Variants in CBLN2 observed in about 807,000 individuals in gnomAD.
CBLN2 encodes the protein cerebellin-2.
A neutral mutation model predicts 15.0 loss-of-function variants in CBLN2; 7 were observed. That is an observed-to-expected ratio of 0.47 (90% CI 0.27 to 0.88). The LOEUF (loss-of-function observed/expected upper bound fraction) is 0.88, where lower values mean the gene tolerates loss of function less well. CBLN2 is among the 40% of genes least tolerant of loss of function. CBLN2 has a pLI of 0.14. For synonymous variants in CBLN2, 149 were observed against 135.2 expected (o/e 1.10, Z -0.71); for missense variants, 242 against 304.5 (o/e 0.79, Z 1.53).
At chr18:72,618,474 G>A in intron 1 of CBLN2, 1 of 666,206 alleles carries the variant, frequency 1.5e-6, no homozygotes, top group South Asian at 1.4e-5. Context: ...GGAGGTGGAT[G>A]CAGCCATGAA....
In CBLN2 at chr18:72,542,037, G is replaced by GCAGCAA. The variant is rs1305455305; in HGVS notation, c.118_123dup (p.Leu42_Leu43dup). On this transcript the variant is annotated inframe_insertion, in exon 3 of 5. Coordinates refer to ENST00000269503, the MANE Select transcript of CBLN2 (RefSeq NM_182511.4). ...CGCACGGGGCAGCAGGCGGGCAGTA[G>GCAGCAA]CAGCAACAGCAGGGCCAGCGCCACC... The GCAGCAA allele has an allele frequency of 2.1e-5, 34 of 1,591,018 alleles. No homozygotes were observed. The highest frequency in any genetic ancestry group is 2.9e-5 in the Non-Finnish European group (34 of 1,176,660).
chr18:72,582,540 C>T (rs2069413088), intron 1 of CBLN2, among the ~76,000 whole-genome samples: 1 of 152,120 alleles, frequency 6.6e-6, no homozygotes, highest in Admixed American at 6.5e-5. Context: ...GAGCTTTTTC[C>T]TGGGGTCTGA....
intron 1 of CBLN2, chr18:72,619,146 T>C: frequency 1.3e-6 from 1 of 744,392 alleles, no homozygotes; most frequent in South Asian, 1.3e-5. Flanking sequence ...AAGCCAGTAC[T>C]TTGCCAAACC....
chr18:72,634,653 G>T (rs2069800401), intron 1 of CBLN2, among the ~76,000 whole-genome samples: 1 of 152,122 alleles, frequency 6.6e-6, no homozygotes, highest in African/African-American at 2.4e-5. Context: ...TGCATGGCAG[G>T]CTGGTGTCAG....
chr18:72,613,108 T>C (rs532050795), intron 1 of CBLN2, among the ~76,000 whole-genome samples: 3 of 152,198 alleles, frequency 2.0e-5, no homozygotes, highest in Non-Finnish European at 4.4e-5. Flanking sequence ...CTTCCTCTTT[T>C]TATAAGGACA....
intron 3 of CBLN2, among the ~76,000 whole-genome samples, chr18:72,540,541 C>A (rs112770415): frequency 6.6e-6 from 1 of 152,098 alleles, no homozygotes; most frequent in African/African-American, 2.4e-5. Context: ...AATAACTGCA[C>A]GTAAAGGAAA....
chr18:72,630,991 T>C (rs1294761637), intron 1 of CBLN2: 1 of 152,092 alleles, frequency 6.6e-6, no homozygotes, highest in Non-Finnish European at 1.5e-5. Flanking sequence ...ATCTTTACGG[T>C]AACGAAGAAA....
rs904574245 is a variant in CBLN2 at position 72,590,624 on chromosome 18, C to G, written c.15+47701G>C. On this transcript the variant is annotated intron_variant, in intron 1 of 2. Coordinates refer to the CBLN2 transcript ENST00000581073. Reference sequence around the variant, plus strand: ...ATATAAAATATGACTAGAATTATGTCACTAGTGTACAGATTTTTATCTTGG... The same window carrying G: ...ATATAAAATATGACTAGAATTATGTGACTAGTGTACAGATTTTTATCTTGG... Among the ~76,000 whole-genome samples the G allele has an allele frequency of 2.0e-5, 3 of 152,128 alleles. No homozygotes were observed. In the South Asian group the frequency reaches 6.2e-4, roughly 32 times the overall value.
rs556144520 is a variant in CBLN2 at position 72,610,941 on chromosome 18, G to C, written c.15+27384C>G. ...CAGTTTCTGTTATTATTATCTTTAT[G>C]TCTGTGAGTACCCCCTATTTAGCTT... On this transcript the variant is annotated intron_variant, in intron 1 of 2. Transcript: ENST00000581073. 2.6e-5 allele frequency among the ~76,000 whole-genome samples: 4 copies of C among 152,134 alleles called. No individual in the cohort carries two copies. The South Asian group carries it at 6.2e-4, about 24-fold the overall frequency.
At chr18:72,614,902 T>C (rs2069646594) in intron 1 of CBLN2, among the ~76,000 whole-genome samples, 1 of 151,052 alleles carries the variant, frequency 6.6e-6, no homozygotes, top group Non-Finnish European at 1.5e-5. Context: ...TAAATTAACA[T>C]AGTTATGTAT....
At chr18:72,548,176 C>T (rs1469380772), upstream of CBLN2, among the ~76,000 whole-genome samples, 1 of 152,184 alleles carries the variant, frequency 6.6e-6, no homozygotes, top group Non-Finnish European at 1.5e-5. Context: ...GTGCGTGCCA[C>T]TAAGCTGCCT....
Position 72,537,863 on chromosome 18 carries a change from G to T in CBLN2, c.*313C>A, listed in dbSNP as rs1279867992. The T allele has an allele frequency of 2.6e-6, 1 of 390,550 alleles. No individual in the cohort carries two copies. The highest frequency in any genetic ancestry group is 4.8e-6 in the Non-Finnish European group (1 of 209,778). 24.2% of individuals were successfully genotyped at this position (390,550 alleles called of 1,614,324 possible). ...ACAATACAACATACAAACAAAAGAG[G>T]TCCATGGTCCCAACAATAAAATCCG... On this transcript the variant is annotated 3_prime_UTR_variant, in exon 5 of 5. Transcript: ENST00000269503.
intron 1 of CBLN2, among the ~76,000 whole-genome samples, chr18:72,585,735 T>C (rs940287674): frequency 1.3e-5 from 2 of 152,122 alleles, no homozygotes; most frequent in Non-Finnish European, 2.9e-5. Flanking sequence ...ACCTCCAGGG[T>C]GCCCAGGCTA....
intron 1 of CBLN2, among the ~76,000 whole-genome samples, chr18:72,582,064 C>T (rs1245083635): frequency 6.6e-6 from 1 of 152,168 alleles, no homozygotes; most frequent in Non-Finnish European, 1.5e-5. Flanking sequence ...TCCAAATCTC[C>T]ACAGGGCTAT....
chr18:72,550,326 T>C (rs1008887598), intron 1 of CBLN2, among the ~76,000 whole-genome samples: 10 of 152,214 alleles, frequency 6.6e-5, no homozygotes, highest in Non-Finnish European at 1.5e-5. Flanking sequence ...ATCTGAAGAA[T>C]AGATTACATT....
intron 1 of CBLN2, among the ~76,000 whole-genome samples, chr18:72,612,899 A>C (rs1237313191): frequency 6.6e-6 from 1 of 152,222 alleles, no homozygotes; most frequent in East Asian, 1.9e-4. Context: ...TTATCATTTC[A>C]CAGTTCTGCA....
intron 1 of CBLN2, among the ~76,000 whole-genome samples, chr18:72,603,049 G>T (rs2069559519): frequency 6.6e-6 from 1 of 152,202 alleles, no homozygotes; most frequent in South Asian, 2.1e-4. Flanking sequence ...ATGAAAGCTG[G>T]TCTTCAAGGC....
chr18:72,538,605 G>C, intron 4 of CBLN2, 48 bp downstream of exon 4: 1 of 1,608,334 alleles, frequency 6.2e-7, no homozygotes. Context: ...TTAGCAATGG[G>C]GAACTATTAA....
intron 1 of CBLN2, among the ~76,000 whole-genome samples, chr18:72,637,816 T>C (rs1164509727): frequency 6.6e-6 from 1 of 152,084 alleles, no homozygotes; most frequent in East Asian, 1.9e-4. Flanking sequence ...ACCAAAGCCA[T>C]AAATAAGATA....
Sources: gnomAD v4.1 joint callset for allele counts (sites outside exome capture counted in the v4.1 genomes callset) on GRCh38, gnomAD v4.1.1 for gene constraint, MANE v1.5 for transcripts, NCBI Gene and HGNC (gene_info 2026-07-23, HGNC 2026-07-21) for gene names.